Variants in AP2A2 observed in about 807,000 individuals in gnomAD.
The protein encoded by AP2A2 is AP-2 complex subunit alpha-2.
Under a neutral mutation model 104.2 loss-of-function variants are expected in AP2A2, and 32 were observed. That is an observed-to-expected ratio of 0.31 (90% CI 0.23 to 0.41). AP2A2 has a LOEUF of 0.41. Among genes scored for constraint, AP2A2 ranks in the 10% least tolerant of loss-of-function variants. The probability of loss-of-function intolerance (pLI) is 1.00; values close to 1 mark genes in which losing one functional copy is unlikely to be tolerated. For synonymous variants in AP2A2, 539 were observed against 533.3 expected (o/e 1.01, Z -0.15); for missense variants, 912 against 1,261.0 (o/e 0.72, Z 4.19).
intron 6 of AP2A2, among the ~76,000 whole-genome samples, chr11:982,603 A>G (rs1018146827): frequency 6.7e-6 from 1 of 149,626 alleles, no homozygotes; most frequent in Non-Finnish European, 1.5e-5. Context: ...AACAGTTTTT[A>G]TCATTAACTG....
chr11:936,153 T>C lies in AP2A2; in HGVS notation c.67+10065T>C, dbSNP rs1411636929. 2.1e-5 allele frequency among the ~76,000 whole-genome samples: 3 copies of C among 144,236 alleles called. 1 individual carries two copies. Among genetic ancestry groups the C allele is most frequent in the East Asian group, 4.3e-4 (2 of 4,686 alleles). 94.6% of individuals were successfully genotyped at this position (144,236 alleles called of 152,430 possible). ...CTATCTCCTGACCTCGTGATCTGCCTGCCTCGGCCTCCCAAAGTGCTAGGA... is the reference window on the plus strand; with the variant it reads ...CTATCTCCTGACCTCGTGATCTGCCCGCCTCGGCCTCCCAAAGTGCTAGGA... On this transcript the variant is annotated intron_variant, in intron 1 of 21. Transcript: ENST00000448903.
chr11:988,781 G>T, intron 10 of AP2A2, 92 bp downstream of exon 10: 1 of 1,495,360 alleles, frequency 6.7e-7, no homozygotes, highest in Non-Finnish European at 9.2e-7. Flanking sequence ...CGTCCAGCAG[G>T]ACTTGATTGA....
At chr11:995,153 C>T (rs114753366) in intron 14 of AP2A2, among the ~76,000 whole-genome samples, 3,561 of 152,282 alleles carry the variant, frequency 0.023, 150 homozygotes, top group African/African-American at 0.081. Context: ...AAGTGGCCGT[C>T]CCCTCTCCTA....
intron 1 of AP2A2, among the ~76,000 whole-genome samples, chr11:957,161 A>T (rs1384653653): frequency 6.6e-6 from 1 of 152,196 alleles, no homozygotes; most frequent in African/African-American, 2.4e-5. Context: ...AAACACATTT[A>T]TTTGATCATA....
intron 18 of AP2A2, chr11:1,008,671 T>G: frequency 4.5e-6 from 1 of 224,594 alleles, no homozygotes; most frequent in East Asian, 1.1e-4. Flanking sequence ...TCTGCAAGGT[T>G]AGGAATGTTG....
chr11:975,242 C>T (rs951894678), intron 4 of AP2A2, among the ~76,000 whole-genome samples: 2 of 151,268 alleles, frequency 1.3e-5, no homozygotes, highest in Non-Finnish European at 3.0e-5. Flanking sequence ...TCGTGTGAGC[C>T]GACATTAGCG....
chr11:981,249 C>T lies in AP2A2; in HGVS notation c.655C>T (p.Pro219Ser), dbSNP rs776900335. ...SLITTLAQKN[P>S]EEFKTSVSLA... ...GATCACCACTTTAGCACAGAAGAAC[C>T]CAGAAGAGTTTAAAACCTCCGTGTC... The change falls in exon 6 of 22, where the codon CCA becomes TCA. Residue 219 changes from proline to serine, a missense_variant. By Grantham distance (74) the Pro-to-Ser change is moderately conservative. This residue lies in a region of AP2A2 where 350 missense variants were observed against 487.0 expected (regional missense o/e 0.72). Coordinates refer to ENST00000448903, the MANE Select transcript of AP2A2 (RefSeq NM_012305.4). 6.2e-7 allele frequency: 1 copy of T among 1,613,506 alleles called. No individual in the cohort carries two copies.
intron 4 of AP2A2, 144 bp from the exon 5 acceptor site, chr11:976,951 G>A (rs1855062345): frequency 4.9e-6 from 5 of 1,021,834 alleles, no homozygotes; most frequent in South Asian, 3.2e-5. Context: ...CCCCCTAGGC[G>A]GCCTCGGCAG....
rs1025991938 is a variant in AP2A2 at position 985,663 on chromosome 11, A to C, written c.962+81A>C. ...TCGTTGGCACGAGACTGGGCGGATC[A>C]TGTCTGGTTTGTCCACTCCATGGGC... is the stretch of plus-strand genomic sequence containing the variant. On this transcript the variant is annotated intron_variant, in intron 8 of 21. Transcript: ENST00000448903. 12 of 1,578,134 alleles carry C rather than the reference A, an allele frequency of 7.6e-6. No homozygotes were observed. The African/African-American group carries it at 1.2e-4, about 16-fold the overall frequency.
chr11:972,930 G>A (rs190718694), intron 4 of AP2A2, among the ~76,000 whole-genome samples: 147 of 152,356 alleles, frequency 9.6e-4, no homozygotes, highest in Admixed American at 8.2e-3. Context: ...AGCGCCCTCG[G>A]CCATCCGTTC....
chr11:961,827 GGCGGAA>G (rs1434023422), intron 2 of AP2A2, among the ~76,000 whole-genome samples: 1 of 137,136 alleles, frequency 7.3e-6, no homozygotes, highest in Admixed American at 7.8e-5. Flanking sequence ...AAAAGTAAAG[GGCGGAA>G]GCAGATGGAG....
chr11:971,454 C>T (rs1032534229), intron 3 of AP2A2, among the ~76,000 whole-genome samples: 3 of 152,148 alleles, frequency 2.0e-5, no homozygotes, highest in Non-Finnish European at 4.4e-5. Context: ...CTGGGTACAT[C>T]TTTAACCGGG....
chr11:944,781 G>A (rs1853776914), intron 1 of AP2A2, among the ~76,000 whole-genome samples: 1 of 151,758 alleles, frequency 6.6e-6, no homozygotes, highest in Non-Finnish European at 1.5e-5. Flanking sequence ...AAGTGCAGAG[G>A]CCTTTGTCGG....
chr11:979,023 G>A (rs552015855), intron 5 of AP2A2, among the ~76,000 whole-genome samples: 77 of 152,200 alleles, frequency 5.1e-4, no homozygotes, highest in African/African-American at 1.6e-3. Flanking sequence ...ACACCATGGG[G>A]AGAAGGGTTG....
chr11:983,959 C>T (rs757124475), intron 6 of AP2A2, among the ~76,000 whole-genome samples: 2 of 152,198 alleles, frequency 1.3e-5, no homozygotes, highest in Non-Finnish European at 2.9e-5. Context: ...GGGCTGGCAT[C>T]TTGCAGTTTA....
At chr11:996,965 T>C (rs1412227306) in intron 14 of AP2A2, among the ~76,000 whole-genome samples, 3 of 142,614 alleles carry the variant, frequency 2.1e-5, no homozygotes, top group Admixed American at 1.4e-4. Flanking sequence ...GGTGTGTGGG[T>C]GTCATTGCTA....
chr11:942,962 GAGGAGC>G (rs1250043464), intron 1 of AP2A2: 2 of 152,274 alleles, frequency 1.3e-5, no homozygotes, highest in Admixed American at 6.6e-5. Flanking sequence ...TGAGCGAGGA[GAGGAGC>G]TGGCATAAGC....
intron 17 of AP2A2, chr11:1,007,625 G>A (rs1446746504): frequency 7.0e-6 from 2 of 287,678 alleles, no homozygotes; most frequent in African/African-American, 2.3e-5. Flanking sequence ...GCTCTTTTCT[G>A]TGTCTCGCTG....
At chr11:981,918 C>T (rs569953955) in intron 6 of AP2A2, among the ~76,000 whole-genome samples, 2 of 152,364 alleles carry the variant, frequency 1.3e-5, no homozygotes, top group African/African-American at 4.8e-5. Flanking sequence ...AGGAGACTGG[C>T]GTTGCCAGAC....
Sources: gnomAD v4.1 joint callset for allele counts (sites outside exome capture counted in the v4.1 genomes callset) on GRCh38, gnomAD v4.1.1 for gene constraint, gnomAD v4.1.1 regional missense constraint, MANE v1.5 for transcripts, NCBI Gene and HGNC (gene_info 2026-07-23, HGNC 2026-07-21) for gene names.